EGFLAM: variants seen among roughly 807,000 people sequenced by gnomAD.
EGFLAM encodes the protein EGF like, fibronectin type III and laminin G domains.
Under a neutral mutation model 113.1 loss-of-function variants are expected in EGFLAM, and 79 were observed. The observed-to-expected ratio is 0.70, with a 90% CI of 0.58 to 0.84. The LOEUF is 0.84. Ranked by LOEUF, EGFLAM falls within the 40% of genes least tolerant of loss-of-function variation. The probability of loss-of-function intolerance (pLI) is 0.00; values close to 1 mark genes in which losing one functional copy is unlikely to be tolerated. For synonymous variants in EGFLAM, 504 were observed against 487.6 expected, an observed-to-expected ratio of 1.03 and a Z score of -0.44; for missense variants, 1,265 against 1,291.6, an observed-to-expected ratio of 0.98 and a Z score of 0.32.
intron 1 of EGFLAM, chr5:38,291,074 TC>T (rs774895520): frequency 6.7e-6 from 1 of 149,820 alleles, no homozygotes; most frequent in Non-Finnish European, 1.5e-5. Context: ...AGAGCGAGAC[TC>T]CGTCTCCAAA....
At chr5:38,259,142 G>C (rs1757437592) in intron 1 of EGFLAM, among the ~76,000 whole-genome samples, 1 of 152,352 alleles carries the variant, frequency 6.6e-6, no homozygotes, top group East Asian at 1.9e-4. Flanking sequence ...GACAGCGATC[G>C]TGCTGTCTCA....
chr5:38,392,220 G>A (rs190854677), intron 6 of EGFLAM, among the ~76,000 whole-genome samples: 1 of 152,180 alleles, frequency 6.6e-6, no homozygotes, highest in East Asian at 1.9e-4. Context: ...TTGGTTTTCT[G>A]TTTCTACATT....
intron 17 of EGFLAM, among the ~76,000 whole-genome samples, chr5:38,441,900 T>G (rs576120984): frequency 6.6e-6 from 1 of 152,228 alleles, no homozygotes; most frequent in Non-Finnish European, 1.5e-5. Context: ...CACAGGCCAC[T>G]AGATGGCGGT....
rs570051663 is a variant in EGFLAM, at chr5:38,363,282, T to C, written c.546-7014T>C. On this transcript the variant is annotated intron_variant, in intron 5 of 21. Coordinates refer to ENST00000322350, the MANE Select transcript of EGFLAM (RefSeq NM_152403.4). The stretch of plus-strand genomic sequence containing the variant: ...TGTTGTGTTTGCCCTGGGTAATGTA[T>C]GGGATCACATCTCTTCTCTTAGAGC... 3.5e-4 allele frequency among the ~76,000 whole-genome samples: 54 copies of C among 152,304 alleles called. 1 individual carries two copies. The highest frequency in any genetic ancestry group is 6.8e-3 in the Middle Eastern group (2 of 294).
intron 6 of EGFLAM, among the ~76,000 whole-genome samples, chr5:38,400,233 CATT>C: frequency 6.6e-6 from 1 of 152,152 alleles, no homozygotes; most frequent in Non-Finnish European, 1.5e-5. Context: ...CTGAGAAACT[CATT>C]ATTTATAGAA....
chr5:38,392,852 G>A (rs1740852672), intron 6 of EGFLAM, among the ~76,000 whole-genome samples: 1 of 152,068 alleles, frequency 6.6e-6, no homozygotes, highest in South Asian at 2.1e-4. Context: ...CCCCACGACA[G>A]GCCCCGGTGT....
At chr5:38,448,598 G>T (rs6892556) in intron 18 of EGFLAM, among the ~76,000 whole-genome samples, 1 of 152,064 alleles carries the variant, frequency 6.6e-6, no homozygotes, top group African/African-American at 2.4e-5. Context: ...TGACCTTTCA[G>T]ATAACCCTGT....
chr5:38,404,734 A>C (rs1388447554), intron 6 of EGFLAM, among the ~76,000 whole-genome samples: 1 of 152,188 alleles, frequency 6.6e-6, no homozygotes, highest in African/African-American at 2.4e-5. Context: ...TCTGTTGCCA[A>C]AGTTGTTACT....
chr5:38,352,176 G>C lies in EGFLAM; in HGVS notation c.410-20G>C. On this transcript the variant is annotated intron_variant, in intron 4 of 21. Coordinates refer to ENST00000322350, the MANE Select transcript of EGFLAM (RefSeq NM_152403.4). The stretch of plus-strand genomic sequence containing the variant: ...CTGAGACCACCAGCCTAGTCTAGTT[G>C]TGTTTGTCATCCCACCTAGATTCCT... 1 of 1,613,798 alleles carries C rather than the reference G, an allele frequency of 6.2e-7. No homozygotes were observed. The highest frequency in any genetic ancestry group is 8.5e-7 in the Non-Finnish European group (1 of 1,179,860).
intron 1 of EGFLAM, among the ~76,000 whole-genome samples, chr5:38,324,053 A>C (rs1159890800): frequency 2.0e-5 from 3 of 151,980 alleles, no homozygotes; most frequent in African/African-American, 7.3e-5. Context: ...CAAAAAAAAA[A>C]AAAAAAAAAA....
chr5:38,314,930 C>T (rs1183421236), intron 1 of EGFLAM, among the ~76,000 whole-genome samples: 3 of 152,178 alleles, frequency 2.0e-5, no homozygotes, highest in African/African-American at 7.2e-5. Flanking sequence ...TGCAGCTGAG[C>T]TTCGATGACT....
chr5:38,367,509 C>T (rs1335232546), intron 5 of EGFLAM, among the ~76,000 whole-genome samples: 1 of 151,984 alleles, frequency 6.6e-6, no homozygotes. Context: ...CCTCGGCCTT[C>T]CAAAGTGCTG....
chr5:38,358,812 T>C (rs1486720243), intron 5 of EGFLAM, among the ~76,000 whole-genome samples: 1 of 152,218 alleles, frequency 6.6e-6, no homozygotes, highest in Non-Finnish European at 1.5e-5. Flanking sequence ...TTTTATTTTT[T>C]AAGCAGTGTA....
In EGFLAM at chr5:38,413,912, G is replaced by A. The variant is rs144555381; in HGVS notation, c.1494+1264G>A. On this transcript the variant is annotated intron_variant, in intron 11 of 21. Coordinates refer to ENST00000322350, the MANE Select transcript of EGFLAM (RefSeq NM_152403.4). ...AAGGAGCGTGTAACCTGGATCCCTC[G>A]CATGCGCAGTTCACAACAGGGTTCG... Among the ~76,000 whole-genome samples the A allele has an allele frequency of 9.7e-3, 1,476 of 152,248 alleles. 13 individuals are homozygous for A. Among genetic ancestry groups the A allele is most frequent in the Non-Finnish European group, 0.012 (798 of 68,020 alleles).
intron 6 of EGFLAM, among the ~76,000 whole-genome samples, chr5:38,404,783 G>C (rs1741226138): frequency 6.6e-6 from 1 of 152,140 alleles, no homozygotes; most frequent in African/African-American, 2.4e-5. Context: ...AGTTGAGAGA[G>C]GGCAGCAAGT....
At chr5:38,364,811 G>A (rs1303387939) in intron 5 of EGFLAM, among the ~76,000 whole-genome samples, 1 of 152,174 alleles carries the variant, frequency 6.6e-6, no homozygotes, top group Admixed American at 6.5e-5. Context: ...CTGGAGGAAA[G>A]TATTTTTAAT....
chr5:38,371,825 C>T (rs775634909), intron 6 of EGFLAM, among the ~76,000 whole-genome samples: 1 of 152,146 alleles, frequency 6.6e-6, no homozygotes, highest in Non-Finnish European at 1.5e-5. Context: ...TGTTTGATTA[C>T]TCTTTGGCTG....
At chr5:38,365,942 C>T (rs988988213) in intron 5 of EGFLAM, among the ~76,000 whole-genome samples, 19 of 152,148 alleles carry the variant, frequency 1.2e-4, no homozygotes, top group African/African-American at 4.3e-4. Flanking sequence ...CCAGTTCATC[C>T]CTTCCAAGGC....
intron 1 of EGFLAM, among the ~76,000 whole-genome samples, chr5:38,281,448 G>A (rs1433228825): frequency 1.3e-5 from 2 of 151,912 alleles, no homozygotes; most frequent in Admixed American, 6.6e-5. Context: ...ATATTTATAC[G>A]AAAAAAGAAA....
Sources: gnomAD v4.1 joint callset for allele counts (sites outside exome capture counted in the v4.1 genomes callset) on GRCh38, gnomAD v4.1.1 for gene constraint, MANE v1.5 for transcripts, NCBI Gene and HGNC (gene_info 2026-07-23, HGNC 2026-07-21) for gene names.